Variants in PCK1 observed in about 807,000 individuals in gnomAD.
The protein encoded by PCK1 is phosphoenolpyruvate carboxykinase, cytosolic [GTP].
A neutral mutation model predicts 50.3 loss-of-function variants in PCK1; 44 were observed. The observed-to-expected ratio is 0.87, with a 90% CI of 0.69 to 1.12. The LOEUF (loss-of-function observed/expected upper bound fraction) is 1.12. Among genes scored for constraint, PCK1 ranks in the 50% most tolerant of loss-of-function variants. The pLI is 0.00. For synonymous variants in PCK1, 332 were observed against 314.3 expected (o/e 1.06, Z -0.59); for missense variants, 790 against 815.0 (o/e 0.97, Z 0.37).
At chr20:57,561,997 G>A in intron 2 of PCK1, 74 bp from the exon 3 acceptor site, 3 of 1,292,648 alleles carry the variant, frequency 2.3e-6, no homozygotes, top group Non-Finnish European at 3.3e-6. Flanking sequence ...GCTAGGCATG[G>A]AAAGCCACGG....
At position 57,564,531 on chromosome 20, in the gene PCK1, G is replaced by A. The variant is rs755101355; in HGVS notation, c.1236G>A (p.Gln412=). 1.9e-6 allele frequency: 3 copies of A among 1,614,142 alleles called. No homozygotes were observed. The South Asian group carries it at 3.3e-5, about 18-fold the overall frequency. Residue 412 remains glutamine (Q), a synonymous_variant, in exon 8 of 10, where the codon CAG becomes CAA. Transcript: ENST00000319441. ...CGAGGTTCTGCACCCCTGCCAGCCA[G>A]TGCCCCATCATTGATGCTGCCTGGG... The part of the protein sequence containing the change: ...PNSRFCTPAS[Q]CPIIDAAWES...
chr20:57,564,240 C>A lies in PCK1; in HGVS notation c.1033C>A (p.Pro345Thr), dbSNP rs2146529392. The A allele has an allele frequency of 6.2e-7, 1 of 1,614,062 alleles. No individual in the cohort carries two copies. Among genetic ancestry groups the A allele is most frequent in the Non-Finnish European group, 8.5e-7 (1 of 1,180,014 alleles). ...TCCTGGGACTTCAGTGAAGACCAAC[C>A]CCAATGCCATCAAGACCATCCAGAA... Reference protein sequence around the residue: ...VAPGTSVKTNPNAIKTIQKNT... With the variant: ...VAPGTSVKTNTNAIKTIQKNT... The change falls in exon 7 of 10, where the codon CCC (proline) becomes ACC (threonine). Residue 345 changes from proline to threonine, a missense_variant. Coordinates refer to ENST00000319441, the MANE Select transcript of PCK1 (RefSeq NM_002591.4).
Position 57,563,104 on chromosome 20 carries a change from C to G in PCK1, c.687C>G (p.Ile229Met). 1 of 1,614,164 alleles carries G rather than the reference C, an allele frequency of 6.2e-7. No homozygotes were observed. The highest frequency in any genetic ancestry group is 8.5e-7 in the Non-Finnish European group (1 of 1,180,012). Residue 229 changes from isoleucine (I) to methionine (M), a missense_variant, in exon 5 of 10, where the codon ATC (isoleucine) becomes ATG (methionine). By Grantham distance (10) the Ile-to-Met change is conservative. Coordinates refer to ENST00000319441, the MANE Select transcript of PCK1 (RefSeq NM_002591.4). ...IAHLPDRREIISFGSGYGGNS... is the reference protein window; with the variant it reads ...IAHLPDRREIMSFGSGYGGNS... ...ACCTGCCTGACCGCAGAGAGATCAT[C>G]TCCTTTGGCAGTGGGTACGGCGGGA...
intron 6 of PCK1, 189 bp from the exon 7 acceptor site, chr20:57,563,980 G>T: frequency 1.6e-6 from 1 of 617,908 alleles, no homozygotes; most frequent in Non-Finnish European, 2.8e-6. Context: ...GGAAAATTGT[G>T]GAGGAAGCAA....
At position 57,562,121 on chromosome 20, in the gene PCK1, C is replaced by T. The variant is rs149718395; in HGVS notation, c.275C>T (p.Thr92Met). ...GATGTGGCCAGGATCGAAAGCAAGACGGTTATCGTCACCCAAGAGCAAAGA... is the reference window on the plus strand; with the variant it reads ...GATGTGGCCAGGATCGAAAGCAAGATGGTTATCGTCACCCAAGAGCAAAGA... ...PRDVARIESKTVIVTQEQRDT... is the reference protein window; with the variant it reads ...PRDVARIESKMVIVTQEQRDT... The change falls in exon 3 of 10, where the codon ACG becomes ATG. Residue 92 changes from threonine to methionine, a missense_variant. Thr to Met is a moderately conservative substitution (Grantham distance 81). Coordinates refer to ENST00000319441, the MANE Select transcript of PCK1 (RefSeq NM_002591.4). 9.9e-6 allele frequency: 16 copies of T among 1,614,046 alleles called. No homozygotes were observed. The East Asian group carries it at 1.1e-4, about 11-fold the overall frequency.
At position 57,561,358 on chromosome 20, in the gene PCK1, G is replaced by A. The variant is rs533125583; in HGVS notation, c.-40-14G>A. 68 of 1,197,638 alleles carry A rather than the reference G, an allele frequency of 5.7e-5. No homozygotes were observed. The African/African-American group carries it at 9.4e-4, about 17-fold the overall frequency. 74.2% of individuals were successfully genotyped at this position (1,197,638 alleles called of 1,614,324 possible). A position where few individuals can be genotyped will look rare whatever the true frequency, so the allele number is the denominator to read the frequency against. On this transcript the variant is annotated splice_polypyrimidine_tract_variant and intron_variant, in intron 1 of 9. Coordinates refer to ENST00000319441, the MANE Select transcript of PCK1 (RefSeq NM_002591.4). Reference sequence around the variant, plus strand: ...TGTTGTTTTTGTTCAGGACGCTTGCGTTTTCTATTTCAGGTGACCTCACAT... The same window carrying A: ...TGTTGTTTTTGTTCAGGACGCTTGCATTTTCTATTTCAGGTGACCTCACAT...
Position 57,565,961 on chromosome 20 carries a change from G to T in PCK1, c.*157G>T. 1.7e-6 allele frequency: 1 copy of T among 594,150 alleles called. No individual in the cohort carries two copies. Among genetic ancestry groups the T allele is most frequent in the South Asian group, 2.4e-5 (1 of 41,882 alleles). The allele number at this position is 594,150 out of a possible 1,614,324, so 36.8% of individuals were successfully genotyped here. ...AAAGGCACACTTTGATTTTTTTAAG[G>T]ATAAGAACCACAGAACACTGGGTAG... On this transcript the variant is annotated 3_prime_UTR_variant, in exon 10 of 10. Transcript: ENST00000319441.
Position 57,565,043 on chromosome 20 carries a change from T to C in PCK1, c.1322T>C (p.Val441Ala). 1 of 1,610,862 alleles carries C rather than the reference T, an allele frequency of 6.2e-7. No homozygotes were observed. Among genetic ancestry groups the C allele is most frequent in the Non-Finnish European group, 8.5e-7 (1 of 1,177,338 alleles). ...CTCTTTTTTTTTCCTGCTAAAGGTG[T>C]CCCTCTAGTCTATGAAGCTCTCAGC... ...IIFGGRRPAG[V>A]PLVYEALSWQ... The change falls in exon 9 of 10, where the codon GTC becomes GCC. Residue 441 changes from valine to alanine, a missense_variant. By Grantham distance (64) the Val-to-Ala change is moderately conservative (BLOSUM62 0). Coordinates refer to ENST00000319441, the MANE Select transcript of PCK1 (RefSeq NM_002591.4).
At chr20:57,562,991 C>A (rs756582445) in intron 4 of PCK1, 37 bp from the exon 5 acceptor site, 1 of 1,595,196 alleles carries the variant, frequency 6.3e-7, no homozygotes, top group East Asian at 2.2e-5. Context: ...CAAGCAGGGC[C>A]CTGGCGCACT....
chr20:57,561,484 C>G lies in PCK1; in HGVS notation c.73C>G (p.Gln25Glu). 1 of 1,613,926 alleles carries G rather than the reference C, an allele frequency of 6.2e-7. No homozygotes were observed. The highest frequency in any genetic ancestry group is 1.6e-4 in the Middle Eastern group (1 of 6,062). Reference sequence around the variant, plus strand: ...CCAGGGAAGCCTGGACAGCCTACCCCAGGCAGTGAGGGAGTTTCTCGAGAA... The same window carrying G: ...CCAGGGAAGCCTGGACAGCCTACCCGAGGCAGTGAGGGAGTTTCTCGAGAA... The part of the protein sequence containing the change: ...VVQGSLDSLP[Q>E]AVREFLENNA... The change falls in exon 2 of 10, where the codon CAG becomes GAG. Residue 25 changes from glutamine to glutamate, a missense_variant. Physicochemically the swap from Gln to Glu is conservative, Grantham distance 29 (BLOSUM62 2). Transcript: ENST00000319441.
In PCK1 at chr20:57,562,268, A is replaced by C; in HGVS notation, c.406+16A>C. The stretch of plus-strand genomic sequence containing the variant: ...TGCATGAAAGGTGAGCGGAACATTG[A>C]TTTGATTGGGTAAAACAGCAGAGAG... On this transcript the variant is annotated intron_variant, in intron 3 of 9. Transcript: ENST00000319441. The C allele has an allele frequency of 6.2e-7, 1 of 1,608,122 alleles. No homozygotes were observed. Among genetic ancestry groups the C allele is most frequent in the Non-Finnish European group, 8.5e-7 (1 of 1,175,144 alleles).
At position 57,563,604 on chromosome 20, in the gene PCK1, C is replaced by G. The variant is rs775729245; in HGVS notation, c.838C>G (p.Leu280Val). ...ITNPEGEKKY[L>V]AAAFPSACGK... ...CAACCCTGAGGGTGAGAAGAAGTAC[C>G]TGGCGGCCGCATTTCCCAGCGCCTG... The change falls in exon 6 of 10, where the codon CTG becomes GTG. Residue 280 changes from leucine (L) to valine (V), a missense_variant. Transcript: ENST00000319441. 2 of 1,612,464 alleles carry G rather than the reference C, an allele frequency of 1.2e-6. No individual in the cohort carries two copies. The highest frequency in any genetic ancestry group is 4.5e-5 in the East Asian group (2 of 44,856).
chr20:57,561,477 C>A lies in PCK1; in HGVS notation c.66C>A (p.Ser22Arg), dbSNP rs1280296599. 1 of 1,613,784 alleles carries A rather than the reference C, an allele frequency of 6.2e-7. No individual in the cohort carries two copies. Among genetic ancestry groups the A allele is most frequent in the Non-Finnish European group, 8.5e-7 (1 of 1,179,868 alleles). The change falls in exon 2 of 10, where the codon AGC becomes AGA. Residue 22 changes from serine to arginine, a missense_variant. Coordinates refer to ENST00000319441, the MANE Select transcript of PCK1 (RefSeq NM_002591.4). Reference sequence around the variant, plus strand: ...AAGTTGTCCAGGGAAGCCTGGACAGCCTACCCCAGGCAGTGAGGGAGTTTC... The same window carrying A: ...AAGTTGTCCAGGGAAGCCTGGACAGACTACCCCAGGCAGTGAGGGAGTTTC... ...SAKVVQGSLD[S>R]LPQAVREFLE...
chr20:57,562,332 C>T, intron 3 of PCK1, 80 bp downstream of exon 3: 1 of 1,248,174 alleles, frequency 8.0e-7, no homozygotes, highest in South Asian at 1.4e-5. Context: ...GTAATTCAAA[C>T]AATAATGGAA....
In PCK1 at chr20:57,566,502, A is replaced by G. The variant is rs963713730; in HGVS notation, c.*698A>G. The G allele has an allele frequency of 1.3e-5, 2 of 152,168 alleles. No individual in the cohort carries two copies. The highest frequency in any genetic ancestry group is 4.8e-5 in the African/African-American group (2 of 41,438). The allele number at this position is 152,168 out of a possible 1,614,324, so 9.4% of individuals were successfully genotyped here. A position where few individuals can be genotyped will look rare whatever the true frequency, so the allele number is the denominator to read the frequency against. On this transcript the variant is annotated 3_prime_UTR_variant, in exon 10 of 10. Coordinates refer to ENST00000319441, the MANE Select transcript of PCK1 (RefSeq NM_002591.4). ...TTTTCTTATTTGAGCTACCAAGAGG[A>G]GAGAACTCTGATTAAATATCTTGTG...
intron 3 of PCK1, chr20:57,562,466 TG>T: frequency 1.6e-6 from 1 of 624,792 alleles, no homozygotes; most frequent in East Asian, 2.7e-5. Flanking sequence ...TCCATGCATA[TG>T]GGTTTTAAAT....
At chr20:57,562,658 G>C (rs1172223627) in intron 3 of PCK1, 38 bp from the exon 4 acceptor site, 1 of 1,567,792 alleles carries the variant, frequency 6.4e-7, no homozygotes, top group Non-Finnish European at 8.8e-7. Flanking sequence ...GAAGTCCAAG[G>C]TCATTTCTCA....
chr20:57,561,746 C>A, intron 2 of PCK1, 111 bp downstream of exon 2: 1 of 736,902 alleles, frequency 1.4e-6, no homozygotes, highest in Non-Finnish European at 2.3e-6. Flanking sequence ...GTTTCAGACT[C>A]TTGAGAAGAT....
rs369101907 is a variant in PCK1, at chr20:57,561,613, C to A, written c.202C>A (p.Arg68=). 1.2e-6 allele frequency: 2 copies of A among 1,612,266 alleles called. No homozygotes were observed. The highest frequency in any genetic ancestry group is 2.2e-5 in the South Asian group (2 of 91,038). The change falls in exon 2 of 10, where the codon CGG becomes AGG. Residue 68 remains arginine, a synonymous_variant. Transcript: ENST00000319441. Reference sequence around the variant, plus strand: ...GATGGAGGAAGAGGGCATCCTCAGGCGGCTGAAGAAGTATGACAACTGGTA... The same window carrying A: ...GATGGAGGAAGAGGGCATCCTCAGGAGGCTGAAGAAGTATGACAACTGGTA... ...GQMEEEGILR[R]LKKYDNCWLA...
Sources: allele counts gnomAD v4.1 joint callset, GRCh38; gene constraint gnomAD v4.1.1; transcripts MANE v1.5; gene names NCBI Gene and HGNC (gene_info 2026-07-23, HGNC 2026-07-21).